The following LINGO2 variants were observed in gnomAD, a reference collection of about 807,000 sequenced individuals.
LINGO2 encodes the protein leucine-rich repeat and immunoglobulin-like domain-containing nogo receptor-interacting protein 2.
In LINGO2, 14 loss-of-function variants were observed where a neutral mutation model predicts 30.6. The observed-to-expected ratio is 0.46, with a 90% CI of 0.30 to 0.72. LINGO2 has a LOEUF of 0.72. Among genes scored for constraint, LINGO2 ranks in the 30% least tolerant of loss-of-function variants. LINGO2 has a pLI of 0.07. For missense variants in LINGO2, 729 were observed against 751.7 expected (o/e 0.97, Z 0.35); for synonymous variants, 317 against 288.5 (o/e 1.10, Z -1.00).
At chr9:29,010,781 AG>A in the LINGO2 span, among the ~76,000 whole-genome samples, 1 of 152,156 alleles carries the variant, frequency 6.6e-6, no homozygotes, top group African/African-American at 2.4e-5. Context: ...GTGCCTCAGG[AG>A]GCTGAGGCAG....
At chr9:29,029,863 G>GTTTTT in the LINGO2 span, among the ~76,000 whole-genome samples, 1 of 148,570 alleles carries the variant, frequency 6.7e-6, no homozygotes, top group African/African-American at 2.5e-5. Flanking sequence ...GAAGCTTTCA[G>GTTTTT]TTTTTTTTTT....
chr9:28,470,807 A>G (rs959682290), intron 2 of LINGO2, among the ~76,000 whole-genome samples: 1 of 151,282 alleles, frequency 6.6e-6, no homozygotes, highest in Non-Finnish European at 1.5e-5. Flanking sequence ...TTTTAAATTA[A>G]GTGGGATTGT....
intron 1 of LINGO2, among the ~76,000 whole-genome samples, chr9:28,480,729 T>C (rs1446195262): frequency 6.6e-6 from 1 of 152,146 alleles, no homozygotes; most frequent in African/African-American, 2.4e-5. Flanking sequence ...TCAGGCTTTC[T>C]ATCCAATTTT....
At chr9:29,008,394 G>C in the LINGO2 span, among the ~76,000 whole-genome samples, 4 of 152,058 alleles carry the variant, frequency 2.6e-5, no homozygotes, top group African/African-American at 7.2e-5. Flanking sequence ...CATACACGTG[G>C]ATGTGTCTTT....
At chr9:28,773,434 G>A in the LINGO2 span, among the ~76,000 whole-genome samples, 1 of 151,920 alleles carries the variant, frequency 6.6e-6, no homozygotes, top group African/African-American at 2.4e-5. Context: ...TATGTATGGT[G>A]AGGGGTACTG....
intron 2 of LINGO2, among the ~76,000 whole-genome samples, chr9:28,412,593 A>G (rs566115817): frequency 3.9e-5 from 6 of 152,224 alleles, no homozygotes; most frequent in South Asian, 4.1e-4. Flanking sequence ...CAAAATCAGA[A>G]CACAAAAATA....
the LINGO2 span, among the ~76,000 whole-genome samples, chr9:29,150,002 A>C: frequency 1.3e-5 from 2 of 152,142 alleles, no homozygotes; most frequent in Non-Finnish European, 2.9e-5. Flanking sequence ...AAGGCCTAGG[A>C]GCAGGCTTGG....
chr9:28,306,275 G>GAAGAAGGTGAAAAGGAAAGGA (rs1197728183), intron 3 of LINGO2, among the ~76,000 whole-genome samples: 1 of 152,000 alleles, frequency 6.6e-6, no homozygotes, highest in Non-Finnish European at 1.5e-5. Context: ...TTGTTGAAAT[G>GAAGAAGGTGAAAAGGAAAGGA]AAGAAGGTGA....
chr9:29,209,600 G>A, the LINGO2 span, among the ~76,000 whole-genome samples: 9 of 151,960 alleles, frequency 5.9e-5, no homozygotes, highest in African/African-American at 1.9e-4. Flanking sequence ...CCTGATACCT[G>A]GAATTTAACC....
intron 4 of LINGO2, among the ~76,000 whole-genome samples, chr9:28,096,310 A>G (rs2133289546): frequency 6.6e-6 from 1 of 152,308 alleles, no homozygotes; most frequent in South Asian, 2.1e-4. Flanking sequence ...TATCATTAAT[A>G]ATGCATTAGA....
the LINGO2 span, among the ~76,000 whole-genome samples, chr9:28,871,255 C>A: frequency 6.6e-6 from 1 of 151,386 alleles, no homozygotes; most frequent in South Asian, 2.1e-4. Flanking sequence ...TACAGCAAAT[C>A]TATATGAAAA....
chr9:28,562,688 T>C (rs1587868875), intron 1 of LINGO2, among the ~76,000 whole-genome samples: 1 of 152,148 alleles, frequency 6.6e-6, no homozygotes, highest in African/African-American at 2.4e-5. Context: ...GTAAAGGTGG[T>C]TGAAATACCT....
intron 4 of LINGO2, among the ~76,000 whole-genome samples, chr9:28,119,074 T>TA (rs1281917823): frequency 6.6e-6 from 1 of 152,042 alleles, no homozygotes; most frequent in East Asian, 1.9e-4. Context: ...AATGTGTTTT[T>TA]AAAAAAGAAG....
the LINGO2 span, among the ~76,000 whole-genome samples, chr9:28,984,207 G>A: frequency 1.3e-5 from 2 of 152,088 alleles, no homozygotes; most frequent in Non-Finnish European, 2.9e-5. Flanking sequence ...CCCTGGCTCA[G>A]CCACAGGGAA....
At chr9:29,204,111 A>T in the LINGO2 span, among the ~76,000 whole-genome samples, 1 of 152,212 alleles carries the variant, frequency 6.6e-6, no homozygotes, top group African/African-American at 2.4e-5. Context: ...GTAAGAAAAG[A>T]GTATAATGAC....
chr9:28,223,688 A>AT (rs1184134294), intron 4 of LINGO2, among the ~76,000 whole-genome samples: 3 of 152,230 alleles, frequency 2.0e-5, no homozygotes, highest in African/African-American at 7.2e-5. Context: ...GATAGTGGTT[A>AT]TGGAAACAGA....
At chr9:28,244,518 C>T (rs1227741155) in intron 4 of LINGO2, among the ~76,000 whole-genome samples, 1 of 151,900 alleles carries the variant, frequency 6.6e-6, no homozygotes, top group Non-Finnish European at 1.5e-5. Flanking sequence ...AATCCAGGAG[C>T]TGGTTTATTG....
the LINGO2 span, among the ~76,000 whole-genome samples, chr9:28,933,359 T>C: frequency 6.6e-6 from 1 of 152,228 alleles, no homozygotes; most frequent in Non-Finnish European, 1.5e-5. Flanking sequence ...AAATATTCTC[T>C]TTAACCCTGA....
chr9:28,669,010 T>TA, intron 1 of LINGO2, among the ~76,000 whole-genome samples: 1 of 152,226 alleles, frequency 6.6e-6, no homozygotes, highest in African/African-American at 2.4e-5. Context: ...CTTTAATTTT[T>TA]AAAAAATTTG....
Sources: gnomAD v4.1 joint callset for allele counts (sites outside exome capture counted in the v4.1 genomes callset) on GRCh38, gnomAD v4.1.1 for gene constraint, MANE v1.5 for transcripts, NCBI Gene and HGNC (gene_info 2026-07-23, HGNC 2026-07-21) for gene names.